Variants in IQCJ observed in about 807,000 individuals in gnomAD.
The protein encoded by IQCJ is IQ domain-containing protein J.
In IQCJ, 9 loss-of-function variants were observed where a neutral mutation model predicts 11.0. The observed-to-expected ratio is 0.82, with a 90% confidence interval of 0.49 to 1.43. IQCJ has a LOEUF of 1.43. Among genes scored for constraint, IQCJ ranks in the 40% most tolerant of loss-of-function variants. The pLI is 0.00. For synonymous variants in IQCJ, 55 were observed against 51.3 expected (o/e 1.07, Z -0.31); for missense variants, 146 against 133.2 (o/e 1.10, Z -0.47).
chr3:159,212,177 C>A (rs982548069), intron 1 of IQCJ, among the ~76,000 whole-genome samples: 1 of 151,934 alleles, frequency 6.6e-6, no homozygotes, highest in Non-Finnish European at 1.5e-5. Context: ...TGGATAGGAA[C>A]AATTATCCCC....
chr3:159,241,178 G>A (rs1341113406), intron 1 of IQCJ, among the ~76,000 whole-genome samples: 1 of 152,024 alleles, frequency 6.6e-6, no homozygotes, highest in Non-Finnish European at 1.5e-5. Flanking sequence ...GGGAGGCCGA[G>A]GCAGGCGGAT....
At chr3:159,154,419 ATTAT>A (rs1721399895) in intron 1 of IQCJ, among the ~76,000 whole-genome samples, 1 of 152,216 alleles carries the variant, frequency 6.6e-6, no homozygotes, top group South Asian at 2.1e-4. Flanking sequence ...AAATATTTAA[ATTAT>A]TTATGAATCT....
intron 1 of IQCJ, among the ~76,000 whole-genome samples, chr3:159,070,988 A>T (rs1453376096): frequency 6.6e-6 from 1 of 152,064 alleles, no homozygotes; most frequent in Non-Finnish European, 1.5e-5. Flanking sequence ...CGCATTGTGG[A>T]CAATTGTAAA....
At chr3:159,071,034 A>G (rs1268236685) in intron 1 of IQCJ, among the ~76,000 whole-genome samples, 3 of 152,038 alleles carry the variant, frequency 2.0e-5, no homozygotes, top group Admixed American at 2.0e-4. Context: ...GTAACAATAA[A>G]AATGAATATT....
chr3:159,257,682 A>G (rs1727974831), intron 3 of IQCJ, among the ~76,000 whole-genome samples: 1 of 152,194 alleles, frequency 6.6e-6, no homozygotes, highest in South Asian at 2.1e-4. Context: ...CAGGGTTGGG[A>G]TAGATAACAA....
At chr3:159,261,931 T>C (rs1169619776) in intron 3 of IQCJ, among the ~76,000 whole-genome samples, 8 of 152,250 alleles carry the variant, frequency 5.3e-5, no homozygotes, top group African/African-American at 1.9e-4. Context: ...CCATTTCCTA[T>C]TCCCTTCCAC....
At chr3:159,197,777 G>C (rs1293173248) in intron 1 of IQCJ, among the ~76,000 whole-genome samples, 1 of 151,992 alleles carries the variant, frequency 6.6e-6, no homozygotes, top group African/African-American at 2.4e-5. Flanking sequence ...CTACTCTCAA[G>C]TAAGCACATT....
intron 1 of IQCJ, among the ~76,000 whole-genome samples, chr3:159,235,302 A>G (rs1726512689): frequency 6.6e-6 from 1 of 152,196 alleles, no homozygotes; most frequent in Non-Finnish European, 1.5e-5. Context: ...AAATTTTACT[A>G]GTAGTGTTTC....
rs956197551 is a variant in IQCJ at position 159,101,292 on chromosome 3, C to T, written c.9+31851C>T. Among the ~76,000 whole-genome samples, 73 of 151,364 alleles carry T rather than the reference C, an allele frequency of 4.8e-4. 1 individual carries two copies. In the East Asian group the frequency reaches 7.7e-3, roughly 16 times the overall value. ...CTGGCACTCCCTAGTGAGATGAACC[C>T]GGTACCTCAGATGGAAATGCAGAAA... is the stretch of plus-strand genomic sequence containing the variant. On this transcript the variant is annotated intron_variant, in intron 1 of 3. Transcript: ENST00000397832.
intron 1 of IQCJ, among the ~76,000 whole-genome samples, chr3:159,108,184 T>A (rs570703866): frequency 6.6e-6 from 1 of 152,182 alleles, no homozygotes; most frequent in African/African-American, 2.4e-5. Flanking sequence ...GTGATTGCTA[T>A]TTTATTTAGA....
intron 1 of IQCJ, among the ~76,000 whole-genome samples, chr3:159,179,088 G>A (rs924420617): frequency 1.3e-5 from 2 of 152,106 alleles, no homozygotes; most frequent in African/African-American, 4.8e-5. Flanking sequence ...CACAATGTCC[G>A]TGAACAGGAG....
Position 159,263,629 on chromosome 3 carries a change from T to C in IQCJ, c.*898T>C. On this transcript the variant is annotated 3_prime_UTR_variant, in exon 4 of 4. Coordinates refer to ENST00000397832, the MANE Select transcript of IQCJ (RefSeq NM_001042706.3). ...TTTTCTTTTACTTTTGGTTATCATG[T>C]TTATTCTGTGGTAAAAAGGTTTCCC... The C allele has an allele frequency of 1.0e-6, 1 of 985,252 alleles. No individual in the cohort carries two copies. The highest frequency in any genetic ancestry group is 1.2e-6 in the Non-Finnish European group (1 of 829,776). The allele number at this position is 985,252 out of a possible 1,614,324, so 61.0% of individuals were successfully genotyped here. A position where few individuals can be genotyped will look rare whatever the true frequency, so the allele number is the denominator to read the frequency against.
chr3:159,152,374 C>T (rs1721280102), intron 1 of IQCJ, among the ~76,000 whole-genome samples: 1 of 152,102 alleles, frequency 6.6e-6, no homozygotes, highest in Non-Finnish European at 1.5e-5. Context: ...TCCCAGCATC[C>T]ACTATCATGT....
At chr3:159,092,974 T>C (rs1717444384) in intron 1 of IQCJ, among the ~76,000 whole-genome samples, 1 of 151,778 alleles carries the variant, frequency 6.6e-6, no homozygotes, top group Admixed American at 6.6e-5. Flanking sequence ...TGTTAATTTA[T>C]TGGTGACTTA....
intron 1 of IQCJ, among the ~76,000 whole-genome samples, chr3:159,181,582 T>A (rs1282693994): frequency 6.6e-6 from 1 of 151,224 alleles, no homozygotes; most frequent in Non-Finnish European, 1.5e-5. Flanking sequence ...ACTGAACTCA[T>A]CATTGCCATC....
intron 1 of IQCJ, among the ~76,000 whole-genome samples, chr3:159,221,477 T>C (rs1416500378): frequency 2.0e-5 from 3 of 152,096 alleles, no homozygotes; most frequent in Non-Finnish European, 2.9e-5. Context: ...CTGAAGGTAA[T>C]TGCCCTTGAG....
intron 1 of IQCJ, among the ~76,000 whole-genome samples, chr3:159,238,608 T>C (rs1309422755): frequency 6.6e-6 from 1 of 151,854 alleles, no homozygotes; most frequent in African/African-American, 2.4e-5. Flanking sequence ...AGGTAAAGAG[T>C]AAATATTAAA....
At chr3:159,143,260 G>T (rs1164648216) in intron 1 of IQCJ, among the ~76,000 whole-genome samples, 1 of 152,166 alleles carries the variant, frequency 6.6e-6, no homozygotes, top group Non-Finnish European at 1.5e-5. Context: ...AAGATTCAGG[G>T]CCTAAATCAC....
intron 1 of IQCJ, among the ~76,000 whole-genome samples, chr3:159,193,287 T>C (rs185597289): frequency 3.3e-5 from 5 of 152,350 alleles, no homozygotes; most frequent in Admixed American, 2.6e-4. Context: ...GTGGGACAAC[T>C]TCTCCATCTA....
Sources: allele counts gnomAD v4.1 joint callset (sites outside exome capture counted in the v4.1 genomes callset), GRCh38; gene constraint gnomAD v4.1.1; transcripts MANE v1.5; gene names NCBI Gene and HGNC (gene_info 2026-07-23, HGNC 2026-07-21).